GLG1: variants seen among roughly 807,000 people sequenced by gnomAD.
The protein encoded by GLG1 is golgi glycoprotein 1.
Under a neutral mutation model 160.5 loss-of-function variants are expected in GLG1, and 38 were observed. That is an observed-to-expected ratio of 0.24 (90% CI 0.18 to 0.31). The LOEUF (loss-of-function observed/expected upper bound fraction) is 0.31. Among genes scored for constraint, GLG1 ranks in the 10% least tolerant of loss-of-function variants. The pLI is 1.00. For synonymous variants in GLG1, 644 were observed against 543.4 expected, an observed-to-expected ratio of 1.19 and a Z score of -2.57; for missense variants, 1,373 against 1,505.2, an observed-to-expected ratio of 0.91 and a Z score of 1.45.
At chr16:74,516,063 T>C (rs1567496853) in intron 2 of GLG1, among the ~76,000 whole-genome samples, 1 of 151,590 alleles carries the variant, frequency 6.6e-6, no homozygotes, top group South Asian at 2.1e-4. Flanking sequence ...AGCAAGTTCT[T>C]AGAGACCTAC....
At chr16:74,489,769 G>A (rs927893768) in intron 8 of GLG1, among the ~76,000 whole-genome samples, 4 of 152,146 alleles carry the variant, frequency 2.6e-5, no homozygotes, top group African/African-American at 9.7e-5. Flanking sequence ...ACGCATGCGT[G>A]CGCACACACA....
chr16:74,457,809 A>C lies in GLG1; in HGVS notation c.3265+65T>G, dbSNP rs548170828. On this transcript the variant is annotated intron_variant, in intron 24 of 25. Coordinates refer to ENST00000422840, the MANE Select transcript of GLG1 (RefSeq NM_001145667.2). Reference sequence around the variant, plus strand: ...ACCACAGTAGCTGCAACTGATGTCTAAGAGGGAGTCTTTGCTCTTCCCAAG... The same window carrying C: ...ACCACAGTAGCTGCAACTGATGTCTCAGAGGGAGTCTTTGCTCTTCCCAAG... The C allele has an allele frequency of 2.7e-6, 4 of 1,491,930 alleles. No individual in the cohort carries two copies. In the South Asian group the frequency reaches 4.7e-5, roughly 17 times the overall value. 92.4% of individuals were successfully genotyped at this position (1,491,930 alleles called of 1,614,324 possible).
At chr16:74,559,966 T>C (rs556609846) in intron 1 of GLG1, among the ~76,000 whole-genome samples, 36 of 152,336 alleles carry the variant, frequency 2.4e-4, no homozygotes, top group East Asian at 7.7e-4. Flanking sequence ...CTATTGTTAA[T>C]AGCTTACTTT....
intron 3 of GLG1, among the ~76,000 whole-genome samples, chr16:74,507,673 T>A (rs970402330): frequency 1.3e-5 from 2 of 151,890 alleles, no homozygotes; most frequent in African/African-American, 2.4e-5. Flanking sequence ...GAGGCAGAGG[T>A]TGCAGAGAGC....
At chr16:74,560,200 G>C (rs531235764) in intron 1 of GLG1, among the ~76,000 whole-genome samples, 1 of 152,238 alleles carries the variant, frequency 6.6e-6, no homozygotes, top group African/African-American at 2.4e-5. Context: ...CCCAATGTGG[G>C]TGGGTCCCAT....
chr16:74,595,672 A>G (rs1012227422), intron 1 of GLG1, among the ~76,000 whole-genome samples: 6 of 152,214 alleles, frequency 3.9e-5, no homozygotes, highest in Non-Finnish European at 7.3e-5. Flanking sequence ...TTCAGTAAAG[A>G]TATCTTTTTC....
intron 5 of GLG1, among the ~76,000 whole-genome samples, chr16:74,495,780 G>A (rs1462549477): frequency 2.0e-5 from 3 of 152,176 alleles, no homozygotes; most frequent in African/African-American, 7.2e-5. Context: ...AACTGAAATT[G>A]AGAAGTGAGA....
At chr16:74,529,843 G>T in intron 2 of GLG1, among the ~76,000 whole-genome samples, 2 of 121,900 alleles carry the variant, frequency 1.6e-5, no homozygotes, top group Non-Finnish European at 1.6e-5. Context: ...TTGTGACGGA[G>T]TCTCACTCTG....
chr16:74,568,915 A>G (rs544554476), intron 1 of GLG1, among the ~76,000 whole-genome samples: 3 of 152,240 alleles, frequency 2.0e-5, no homozygotes, highest in Non-Finnish European at 4.4e-5. Context: ...AGAGCTAAAA[A>G]TACCGTAAAT....
At chr16:74,476,848 GAA>G (rs2143285027) in intron 12 of GLG1, among the ~76,000 whole-genome samples, 1 of 152,262 alleles carries the variant, frequency 6.6e-6, no homozygotes, top group South Asian at 2.1e-4. Context: ...AACCAGGTGA[GAA>G]AAAATTCCAT....
At chr16:74,493,170 G>C in intron 6 of GLG1, 30 bp from the exon 7 acceptor site, 1 of 1,517,126 alleles carries the variant, frequency 6.6e-7, no homozygotes, top group South Asian at 1.2e-5. Flanking sequence ...ACAGCCGTGA[G>C]ACCACTCATG....
chr16:74,557,111 G>A (rs1243160868), intron 1 of GLG1, among the ~76,000 whole-genome samples: 1 of 152,128 alleles, frequency 6.6e-6, no homozygotes, highest in East Asian at 1.9e-4. Flanking sequence ...TTGGTGTGGG[G>A]TTAGCAAAAA....
intron 1 of GLG1, among the ~76,000 whole-genome samples, chr16:74,600,788 GA>G (rs1458768770): frequency 2.8e-5 from 4 of 142,228 alleles, no homozygotes; most frequent in Admixed American, 2.8e-4. Context: ...TTCAAGCTAA[GA>G]ATAGCAGAGC....
At chr16:74,579,845 A>G (rs898624587) in intron 1 of GLG1, among the ~76,000 whole-genome samples, 1 of 151,358 alleles carries the variant, frequency 6.6e-6, no homozygotes, top group Non-Finnish European at 1.5e-5. Flanking sequence ...CAGGTGGATC[A>G]CAAGGTCAAG....
chr16:74,487,445 C>T (rs1445911617), intron 8 of GLG1, among the ~76,000 whole-genome samples: 1 of 151,974 alleles, frequency 6.6e-6, no homozygotes, highest in Non-Finnish European at 1.5e-5. Flanking sequence ...GAAAAAACCA[C>T]AAACTTCTAT....
chr16:74,485,735 T>TA, intron 9 of GLG1, 61 bp downstream of exon 9: 1 of 1,489,276 alleles, frequency 6.7e-7, no homozygotes, highest in Non-Finnish European at 9.1e-7. Context: ...TTTGAAGGAA[T>TA]GTTCCCTGTG....
At chr16:74,544,369 A>G (rs139862141) in intron 1 of GLG1, among the ~76,000 whole-genome samples, 139 of 152,300 alleles carry the variant, frequency 9.1e-4, no homozygotes, top group African/African-American at 3.2e-3. Context: ...GCTGGACTGC[A>G]ATGGCACAAT....
intron 3 of GLG1, among the ~76,000 whole-genome samples, chr16:74,506,011 CAAT>C (rs1404291623): frequency 1.0e-5 from 1 of 98,674 alleles, no homozygotes; most frequent in Non-Finnish European, 1.8e-5. Flanking sequence ...GCCCCGGTGA[CAAT>C]GAGAGACTCC....
intron 13 of GLG1, 158 bp downstream of exon 13, chr16:74,474,388 A>G (rs527854358): frequency 3.2e-6 from 2 of 617,338 alleles, no homozygotes; most frequent in East Asian, 2.7e-5. Context: ...GCAACACAAT[A>G]TACTTCTTTA....
Sources: allele counts gnomAD v4.1 joint callset (sites outside exome capture counted in the v4.1 genomes callset), GRCh38; gene constraint gnomAD v4.1.1; transcripts MANE v1.5; gene names NCBI Gene and HGNC (gene_info 2026-07-23, HGNC 2026-07-21).